The following STON2 variants were observed in gnomAD, a reference collection of about 807,000 sequenced individuals.
The protein encoded by STON2 is stonin-2.
STON2 carries 29 observed loss-of-function variants against 65.7 expected under a neutral mutation model. That is an observed-to-expected ratio of 0.44 (90% CI 0.33 to 0.60). STON2 has a LOEUF of 0.60. Ranked by LOEUF, STON2 falls within the 20% of genes least tolerant of loss-of-function variation. STON2 has a pLI of 0.03. For missense variants in STON2, 1,054 were observed against 1,118.1 expected, an observed-to-expected ratio of 0.94 and a Z score of 0.82; for synonymous variants, 404 against 414.2, an observed-to-expected ratio of 0.98 and a Z score of 0.30.
rs1894380294 is a variant in STON2, at chr14:81,266,967, T to C, written c.*1447A>G. 1 of 984,798 alleles carries C rather than the reference T, an allele frequency of 1.0e-6. No individual in the cohort carries two copies. Among genetic ancestry groups the C allele is most frequent in the African/African-American group, 1.7e-5 (1 of 57,224 alleles). The allele number at this position is 984,798 out of a possible 1,614,324, so 61.0% of individuals were successfully genotyped here. A position where few individuals can be genotyped will look rare whatever the true frequency, so the allele number is the denominator to read the frequency against. On this transcript the variant is annotated 3_prime_UTR_variant, in exon 8 of 8. Transcript: ENST00000614646. ...TTAGTTCAGATATTTCAAAATACTG[T>C]AACTATTTCTATATCCCAGTGTCAA...
intron 2 of STON2, chr14:81,413,019 C>T (rs8013454): frequency 0.57 from 610,122 of 1,065,292 alleles, 201,092 homozygotes; most frequent in African/African-American, 0.72. Context: ...TCGGAAGAGA[C>T]GCAGCAGAAC....
At position 81,268,311 on chromosome 14, in the gene STON2, G is replaced by A; in HGVS notation, c.*103C>T. 2 of 1,257,972 alleles carry A rather than the reference G, an allele frequency of 1.6e-6. No homozygotes were observed. The highest frequency in any genetic ancestry group is 2.1e-6 in the Non-Finnish European group (2 of 974,642). The allele number at this position is 1,257,972 out of a possible 1,614,324, so 77.9% of individuals were successfully genotyped here. A position where few individuals can be genotyped will look rare whatever the true frequency, so the allele number is the denominator to read the frequency against. On this transcript the variant is annotated 3_prime_UTR_variant, in exon 8 of 8. Coordinates refer to ENST00000614646, the MANE Select transcript of STON2 (RefSeq NM_001394390.1). ...TTCCCAACATGCAGTGGCCACAGCAGGTATTGACTGCAACTTCAGCTACTC... is the reference window on the plus strand; with the variant it reads ...TTCCCAACATGCAGTGGCCACAGCAAGTATTGACTGCAACTTCAGCTACTC...
In STON2 at chr14:81,261,539, G is replaced by A. The variant is rs1485035491; in HGVS notation, c.*6875C>T. On this transcript the variant is annotated 3_prime_UTR_variant, in exon 8 of 8. Coordinates refer to ENST00000614646, the MANE Select transcript of STON2 (RefSeq NM_001394390.1). ...ATTTGATGTTACTAAGAGACAACGA[G>A]GATACAGAGGGGACTGTCCCTTTTC... 1 of 356,334 alleles carries A rather than the reference G, an allele frequency of 2.8e-6. No individual in the cohort carries two copies. Among genetic ancestry groups the A allele is most frequent in the African/African-American group, 2.1e-5 (1 of 47,886 alleles). 22.1% of individuals were successfully genotyped at this position (356,334 alleles called of 1,614,324 possible). A position where few individuals can be genotyped will look rare whatever the true frequency, so the allele number is the denominator to read the frequency against.
chr14:81,326,466 T>C (rs1480785794), intron 4 of STON2, among the ~76,000 whole-genome samples: 1 of 151,936 alleles, frequency 6.6e-6, no homozygotes, highest in Non-Finnish European at 1.5e-5. Context: ...TCTAAAAGTA[T>C]ATACCTTGTT....
At chr14:81,377,187 AC>A (rs1317478647) in intron 3 of STON2, among the ~76,000 whole-genome samples, 2 of 152,128 alleles carry the variant, frequency 1.3e-5, no homozygotes, top group Non-Finnish European at 2.9e-5. Context: ...TCTGTTCCTA[AC>A]CTTTGACAAC....
rs1555397665 is a variant in STON2, at chr14:81,306,220, C to CTATTTTTTTTTTTTTTTTTT, written c.742+17796_742+17797insAAAAAAAAAAAAAAAAAATA. On this transcript the variant is annotated intron_variant, in intron 5 of 7. Coordinates refer to ENST00000614646, the MANE Select transcript of STON2 (RefSeq NM_001394390.1). ...TTATATATACACACACATACATACTCTTTTTTTTTTTTTTTTTTTTTTTTT... is the reference window on the plus strand; with the variant it reads ...TTATATATACACACACATACATACTCTATTTTTTTTTTTTTTTTTTTTTTTTTTTTTTTTTTTTTTTTTTT... Among the ~76,000 whole-genome samples the CTATTTTTTTTTTTTTTTTTT allele has an allele frequency of 1.3e-4, 9 of 69,490 alleles. 3 individuals are homozygous for CTATTTTTTTTTTTTTTTTTT. Among genetic ancestry groups the CTATTTTTTTTTTTTTTTTTT allele is most frequent in the Non-Finnish European group, 1.3e-4 (5 of 39,088 alleles). The allele number at this position is 69,490 out of a possible 152,430, so 45.6% of individuals were successfully genotyped here.
intron 4 of STON2, chr14:81,333,051 G>A (rs1254104038): frequency 5.4e-5 from 36 of 665,930 alleles, no homozygotes; most frequent in Non-Finnish European, 2.1e-5. Context: ...GCTTTCTTGA[G>A]TTCTTTTTCT....
intron 5 of STON2, among the ~76,000 whole-genome samples, chr14:81,303,820 C>CTGGTTAAAA (rs1454652939): frequency 6.6e-6 from 1 of 152,128 alleles, no homozygotes; most frequent in Non-Finnish European, 1.5e-5. Context: ...GTTTCGAAAC[C>CTGGTTAAAA]AATGCCCTTT....
intron 4 of STON2, among the ~76,000 whole-genome samples, chr14:81,363,028 C>T (rs1242747406): frequency 1.3e-5 from 2 of 152,136 alleles, no homozygotes; most frequent in Non-Finnish European, 2.9e-5. Context: ...TCTATAATTG[C>T]TCCTTCCAGC....
intron 5 of STON2, among the ~76,000 whole-genome samples, chr14:81,320,080 G>C (rs550444524): frequency 1.3e-5 from 2 of 152,230 alleles, no homozygotes; most frequent in African/African-American, 4.8e-5. Flanking sequence ...AGGTTAGCTG[G>C]CTGGTCTAGA....
At chr14:81,291,062 T>G (rs911288352) in intron 5 of STON2, among the ~76,000 whole-genome samples, 1 of 151,996 alleles carries the variant, frequency 6.6e-6, no homozygotes. Context: ...GGAGGGAAAA[T>G]GCCTTTGAAG....
At chr14:81,323,063 C>T (rs1322745997) in intron 5 of STON2, among the ~76,000 whole-genome samples, 1 of 152,220 alleles carries the variant, frequency 6.6e-6, no homozygotes, top group Non-Finnish European at 1.5e-5. Flanking sequence ...CTCAAATTAA[C>T]TTTACATGTA....
intron 7 of STON2, 64 bp downstream of exon 7, chr14:81,270,606 G>T: frequency 6.2e-7 from 1 of 1,613,906 alleles, no homozygotes; most frequent in Non-Finnish European, 8.5e-7. Flanking sequence ...AGGAATAAGA[G>T]GGGGAGGGTA....
At chr14:81,392,104 A>G (rs745867468) in intron 3 of STON2, among the ~76,000 whole-genome samples, 1 of 152,194 alleles carries the variant, frequency 6.6e-6, no homozygotes, top group Non-Finnish European at 1.5e-5. Context: ...GTAACATTTT[A>G]AGGCAATATG....
At chr14:81,322,103 C>T (rs1027079509) in intron 5 of STON2, among the ~76,000 whole-genome samples, 2 of 152,308 alleles carry the variant, frequency 1.3e-5, no homozygotes, top group South Asian at 2.1e-4. Context: ...TGGGTCTCTT[C>T]TTCCACCTCT....
chr14:81,266,912 GC>G lies in STON2; in HGVS notation c.*1501del. On this transcript the variant is annotated 3_prime_UTR_variant, in exon 8 of 8. Transcript: ENST00000614646. ...CCAGAATATAGGGTTTCTCATTAAT[GC>G]CTATTCAATCATCATTTTACTTTCA... The G allele has an allele frequency of 1.0e-6, 1 of 981,440 alleles. No individual in the cohort carries two copies. Among genetic ancestry groups the G allele is most frequent in the Non-Finnish European group, 1.2e-6 (1 of 826,364 alleles). The allele number at this position is 981,440 out of a possible 1,614,324, so 60.8% of individuals were successfully genotyped here.
In STON2 at chr14:81,265,089, A is replaced by C; in HGVS notation, c.*3325T>G. On this transcript the variant is annotated 3_prime_UTR_variant, in exon 8 of 8. Coordinates refer to ENST00000614646, the MANE Select transcript of STON2 (RefSeq NM_001394390.1). ...TTATTTGTGACCACAAAAAAAAAAAATAAAAAGTCCAGGTCCAGGGTTGCA... is the reference window on the plus strand; with the variant it reads ...TTATTTGTGACCACAAAAAAAAAAACTAAAAAGTCCAGGTCCAGGGTTGCA... 2 of 984,874 alleles carry C rather than the reference A, an allele frequency of 2.0e-6. No individual in the cohort carries two copies. Among genetic ancestry groups the C allele is most frequent in the Non-Finnish European group, 2.4e-6 (2 of 829,562 alleles). 61.0% of individuals were successfully genotyped at this position (984,874 alleles called of 1,614,324 possible).
At chr14:81,329,316 G>T (rs4899787) in intron 4 of STON2, among the ~76,000 whole-genome samples, 1 of 152,000 alleles carries the variant, frequency 6.6e-6, no homozygotes, top group East Asian at 1.9e-4. Flanking sequence ...TTAGCCAGGC[G>T]TGGTGGCAGG....
upstream of STON2, among the ~76,000 whole-genome samples, chr14:81,401,066 G>A (rs933720140): frequency 1.3e-5 from 2 of 152,096 alleles, no homozygotes; most frequent in African/African-American, 4.8e-5. Flanking sequence ...TAAATGACTC[G>A]CCCAACGTTG....
Sources: gnomAD v4.1 joint callset for allele counts (sites outside exome capture counted in the v4.1 genomes callset) on GRCh38, gnomAD v4.1.1 for gene constraint, MANE v1.5 for transcripts, NCBI Gene and HGNC (gene_info 2026-07-23, HGNC 2026-07-21) for gene names.